FXYD6: variants seen among roughly 807,000 people sequenced by gnomAD.
FXYD6 encodes FXYD domain containing ion transport regulator 6.
FXYD6 carries 7 observed loss-of-function variants against 16.7 expected under a neutral mutation model. The observed-to-expected ratio is 0.42, with a 90% confidence interval of 0.24 to 0.79. The LOEUF (loss-of-function observed/expected upper bound fraction) is 0.79, where lower values mean the gene tolerates loss of function less well. Among genes scored for constraint, FXYD6 ranks in the 30% least tolerant of loss-of-function variants. The probability of loss-of-function intolerance (pLI) is 0.28; values close to 1 mark genes in which losing one functional copy is unlikely to be tolerated. For synonymous variants in FXYD6, 49 were observed against 43.0 expected (o/e 1.14, Z -0.54); for missense variants, 111 against 116.2 (o/e 0.95, Z 0.21).
intron 1 of FXYD6, among the ~76,000 whole-genome samples, chr11:117,853,018 T>G (rs997395495): frequency 3.3e-5 from 5 of 152,264 alleles, no homozygotes; most frequent in African/African-American, 9.6e-5. Flanking sequence ...TGTTGTTCAC[T>G]CATTTTGTGT....
chr11:117,841,316 A>C, intron 4 of FXYD6, 132 bp from the exon 5 acceptor site: 2 of 1,178,178 alleles, frequency 1.7e-6, no homozygotes, highest in African/African-American at 1.5e-5. Context: ...GCACAGCTGC[A>C]CACAGTGGCC....
At chr11:117,850,921 A>C (rs1235846933) in intron 1 of FXYD6, among the ~76,000 whole-genome samples, 1 of 152,206 alleles carries the variant, frequency 6.6e-6, no homozygotes, top group African/African-American at 2.4e-5. Flanking sequence ...AGACCAAAAA[A>C]ATTCAGAGTT....
At chr11:117,874,731 G>A (rs1280728937) in intron 1 of FXYD6, among the ~76,000 whole-genome samples, 1 of 152,248 alleles carries the variant, frequency 6.6e-6, no homozygotes, top group Non-Finnish European at 1.5e-5. Context: ...AGGGAAAAGA[G>A]CAGCGGCAGT....
rs752998136 is a variant in FXYD6, at chr11:117,841,991, A to G, written c.96T>C (p.Tyr32=). The change falls in exon 3 of 8, where the codon TAT becomes TAC. Residue 32 remains tyrosine (Y), a splice_region_variant and synonymous_variant. Transcript: ENST00000526014. ...GCACCCAGGGTTGCCATCGCTCACC[A>G]TAATGAAAAGGGTCCATTTCCTTCT... The part of the protein sequence containing the change: ...EKEKEMDPFH[Y]DYQTLRIGGL... 2.5e-6 allele frequency: 4 copies of G among 1,614,100 alleles called. No homozygotes were observed. The highest frequency in any genetic ancestry group is 2.7e-5 in the African/African-American group (2 of 74,930).
chr11:117,842,998 A>G (rs1006022835), intron 1 of FXYD6, among the ~76,000 whole-genome samples: 1 of 151,684 alleles, frequency 6.6e-6, no homozygotes, highest in East Asian at 1.9e-4. Context: ...TAGTGGCATG[A>G]TCTCGGCTCA....
chr11:117,860,537 C>T (rs1480932624), intron 1 of FXYD6, among the ~76,000 whole-genome samples: 2 of 152,244 alleles, frequency 1.3e-5, no homozygotes, highest in Admixed American at 6.5e-5. Flanking sequence ...AGCATTGATA[C>T]TCACTTGTTG....
At chr11:117,862,771 C>T (rs1314843077) in intron 1 of FXYD6, among the ~76,000 whole-genome samples, 6 of 152,176 alleles carry the variant, frequency 3.9e-5, no homozygotes, top group Non-Finnish European at 7.3e-5. Context: ...CTAAGATGGC[C>T]CTGTTCCTCC....
At chr11:117,842,190 G>T in intron 2 of FXYD6, 162 bp from the exon 3 acceptor site, 2 of 973,702 alleles carry the variant, frequency 2.1e-6, no homozygotes, top group Non-Finnish European at 3.0e-6. Context: ...GGGCCTGCCA[G>T]TTAGGGGGTT....
intron 1 of FXYD6, among the ~76,000 whole-genome samples, chr11:117,849,787 G>C (rs753961018): frequency 7.9e-5 from 12 of 152,108 alleles, no homozygotes; most frequent in Non-Finnish European, 1.6e-4. Context: ...GCCACTGCAT[G>C]CTGAAACTTA....
chr11:117,855,316 T>C (rs1224846340), intron 1 of FXYD6, among the ~76,000 whole-genome samples: 1 of 151,998 alleles, frequency 6.6e-6, no homozygotes, highest in East Asian at 1.9e-4. Flanking sequence ...CAACCACACC[T>C]CAGCATGGGC....
intron 1 of FXYD6, chr11:117,844,343 A>G (rs2056424752): frequency 6.6e-6 from 1 of 152,214 alleles, no homozygotes; most frequent in South Asian, 2.1e-4. Flanking sequence ...ATAATGAGGC[A>G]TAGTAATAAT....
chr11:117,862,704 G>C (rs965641540), intron 1 of FXYD6, among the ~76,000 whole-genome samples: 3 of 152,170 alleles, frequency 2.0e-5, no homozygotes, highest in African/African-American at 7.2e-5. Flanking sequence ...AGAAGGGTTG[G>C]GCCCTGAGAC....
intron 1 of FXYD6, among the ~76,000 whole-genome samples, chr11:117,865,244 G>C (rs1261445850): frequency 6.6e-6 from 1 of 152,130 alleles, no homozygotes; most frequent in Non-Finnish European, 1.5e-5. Flanking sequence ...GGAGAAATTG[G>C]AACCACTGTG....
At chr11:117,874,821 C>T (rs777617761) in intron 1 of FXYD6, among the ~76,000 whole-genome samples, 5 of 152,258 alleles carry the variant, frequency 3.3e-5, no homozygotes, top group Non-Finnish European at 5.9e-5. Flanking sequence ...CCTGGAGCTC[C>T]GGACTGGGGC....
At chr11:117,845,164 T>G (rs2056443391) in intron 1 of FXYD6, among the ~76,000 whole-genome samples, 1 of 152,204 alleles carries the variant, frequency 6.6e-6, no homozygotes, top group South Asian at 2.1e-4. Context: ...TCCCCTTCCC[T>G]TCAACCCTGA....
intron 1 of FXYD6, chr11:117,868,824 GA>G (rs1188300625): frequency 6.6e-6 from 1 of 152,130 alleles, no homozygotes; most frequent in Admixed American, 6.5e-5. Flanking sequence ...TCTATTCGTA[GA>G]AAAATAATAA....
chr11:117,848,651 C>T (rs916938441), intron 1 of FXYD6, among the ~76,000 whole-genome samples: 2 of 152,114 alleles, frequency 1.3e-5, no homozygotes, highest in Non-Finnish European at 2.9e-5. Context: ...TAAAATCATC[C>T]GGGCTTGGGA....
At chr11:117,864,782 TCTCCATGTGGGTCAGGCTGGTCTCGAA>T (rs2056979338) in intron 1 of FXYD6, among the ~76,000 whole-genome samples, 1 of 152,258 alleles carries the variant, frequency 6.6e-6, no homozygotes, top group South Asian at 2.1e-4. Context: ...AGACAGGGTT[TCTCCATGTGGGTCAGGCTGGTCTCGAA>T]CTCCTGACCT....
chr11:117,859,945 G>A (rs2056867308), intron 1 of FXYD6, among the ~76,000 whole-genome samples: 2 of 152,132 alleles, frequency 1.3e-5, no homozygotes, highest in South Asian at 2.1e-4. Context: ...GGGGTCATGG[G>A]AGAGGCCTAT....
Sources: allele counts gnomAD v4.1 joint callset (sites outside exome capture counted in the v4.1 genomes callset), GRCh38; gene constraint gnomAD v4.1.1; transcripts MANE v1.5; gene names NCBI Gene and HGNC (gene_info 2026-07-23, HGNC 2026-07-21).